Variants in UNC79 observed in about 807,000 individuals in gnomAD.
UNC79 encodes the protein unc-79 subunit of NALCN channel complex.
Under a neutral mutation model 283.1 loss-of-function variants are expected in UNC79, and 37 were observed. That is an observed-to-expected ratio of 0.13 (90% confidence interval 0.10 to 0.17). The LOEUF is 0.17. UNC79 is among the 10% of genes least tolerant of loss of function. The pLI is 1.00. For missense variants in UNC79, 2,272 were observed against 3,211.1 expected, an observed-to-expected ratio of 0.71 and a Z score of 7.07; for synonymous variants, 1,107 against 1,200.2, an observed-to-expected ratio of 0.92 and a Z score of 1.61.
In UNC79 at chr14:93,430,755, G is replaced by T. The variant is rs1595465625; in HGVS notation, c.-275G>T. 2.7e-6 allele frequency: 1 copy of T among 372,258 alleles called. No homozygotes were observed. Among genetic ancestry groups the T allele is most frequent in the Non-Finnish European group, 5.0e-6 (1 of 198,690 alleles). The allele number at this position is 372,258 out of a possible 1,614,324, so 23.1% of individuals were successfully genotyped here. ...TTTCGGTCTCCCCGCCCACATCAAC[G>T]CGGGCAGCTCCAGGAGGGGACGGAC... On this transcript the variant is annotated 5_prime_UTR_variant, in exon 1 of 49. Coordinates refer to ENST00000555664, the Ensembl canonical transcript of UNC79. The surrounding 1 kb of genome is among the most constrained non-coding windows in gnomAD (Gnocchi z 4.6).
chr14:93,520,532 C>T (rs1595732250), intron 7 of UNC79, among the ~76,000 whole-genome samples: 1 of 151,758 alleles, frequency 6.6e-6, no homozygotes. Flanking sequence ...GTACTTGGAG[C>T]AATCATAAAA....
At chr14:93,494,193 G>A (rs966308349) in intron 5 of UNC79, among the ~76,000 whole-genome samples, 1 of 151,910 alleles carries the variant, frequency 6.6e-6, no homozygotes, top group African/African-American at 2.4e-5. Flanking sequence ...TACAGGCATG[G>A]TGCCACACAC....
intron 22 of UNC79, among the ~76,000 whole-genome samples, chr14:93,592,399 C>T (rs2064760705): frequency 6.6e-6 from 1 of 152,042 alleles, no homozygotes; most frequent in Non-Finnish European, 1.5e-5. Flanking sequence ...TGGTCTCGAT[C>T]TCCTGACCTT....
chr14:93,656,887 A>G (rs2071001747), intron 38 of UNC79, among the ~76,000 whole-genome samples: 2 of 152,138 alleles, frequency 1.3e-5, no homozygotes, highest in African/African-American at 2.4e-5. Context: ...TAGACAGAAA[A>G]ACAAAAGGAT....
At chr14:93,666,453 A>G (rs1315740699) in intron 40 of UNC79, among the ~76,000 whole-genome samples, 1 of 152,164 alleles carries the variant, frequency 6.6e-6, no homozygotes, top group Admixed American at 6.5e-5. Flanking sequence ...CCAGACTAAT[A>G]CTAATAAAAA....
intron 1 of UNC79, among the ~76,000 whole-genome samples, chr14:93,372,591 A>G (rs889702444): frequency 1.2e-4 from 19 of 152,352 alleles, no homozygotes; most frequent in African/African-American, 4.3e-4. Context: ...GCATTACGTA[A>G]TGATAAAAGA....
chr14:93,628,288 G>A (rs376520242), intron 30 of UNC79, among the ~76,000 whole-genome samples: 2 of 152,194 alleles, frequency 1.3e-5, no homozygotes, highest in South Asian at 2.1e-4. Flanking sequence ...CCCCTTGTCA[G>A]GTCTTGAACA....
chr14:93,604,857 G>T, intron 26 of UNC79, 39 bp from the exon 27 acceptor site: 1 of 1,536,794 alleles, frequency 6.5e-7, no homozygotes, highest in Non-Finnish European at 8.7e-7. Flanking sequence ...CCAGTTGTCT[G>T]TAATGCTTAT....
chr14:93,508,887 C>T (rs975890511), intron 7 of UNC79, among the ~76,000 whole-genome samples: 2 of 152,170 alleles, frequency 1.3e-5, no homozygotes, highest in African/African-American at 4.8e-5. Context: ...CCAGTACTTT[C>T]ACAACAGAGT....
intron 3 of UNC79, among the ~76,000 whole-genome samples, chr14:93,476,729 T>C (rs2140347080): frequency 6.6e-6 from 1 of 152,346 alleles, no homozygotes; most frequent in South Asian, 2.1e-4. Context: ...AGTCCAGGAA[T>C]ATACAAATGT....
At chr14:93,350,619 CAG>C (rs1371662537) in intron 1 of UNC79, among the ~76,000 whole-genome samples, 27 of 152,118 alleles carry the variant, frequency 1.8e-4, no homozygotes, top group African/African-American at 5.6e-4. Flanking sequence ...TACATTAAAA[CAG>C]GGGTTACTTA....
chr14:93,445,644 T>C (rs1467001459), intron 1 of UNC79, among the ~76,000 whole-genome samples: 2 of 152,226 alleles, frequency 1.3e-5, no homozygotes, highest in African/African-American at 4.8e-5. Flanking sequence ...GGGAAGTGTT[T>C]CCTTTTCTAT....
chr14:93,592,907 G>C (rs1257836760), intron 22 of UNC79, among the ~76,000 whole-genome samples: 2 of 151,980 alleles, frequency 1.3e-5, no homozygotes, highest in Non-Finnish European at 2.9e-5. Flanking sequence ...CCATCTCATA[G>C]CCCAACTGTG....
intron 11 of UNC79, among the ~76,000 whole-genome samples, chr14:93,536,110 C>T (rs1042444789): frequency 6.6e-6 from 1 of 151,618 alleles, no homozygotes; most frequent in African/African-American, 2.4e-5. Flanking sequence ...TTATCTGCAT[C>T]CTGCACAGCT....
intron 42 of UNC79, among the ~76,000 whole-genome samples, chr14:93,685,787 C>T (rs900467067): frequency 4.6e-5 from 7 of 152,200 alleles, no homozygotes; most frequent in African/African-American, 1.7e-4. Flanking sequence ...TAGCAGCCTG[C>T]TTGTTCATTT....
At chr14:93,429,068 T>C (rs906688574), upstream of UNC79, among the ~76,000 whole-genome samples, 3 of 152,250 alleles carry the variant, frequency 2.0e-5, no homozygotes, top group African/African-American at 7.2e-5. Flanking sequence ...TCATGTGTGT[T>C]AATTTCCAAT....
At chr14:93,599,957 T>C (rs2065371051) in intron 24 of UNC79, among the ~76,000 whole-genome samples, 1 of 151,866 alleles carries the variant, frequency 6.6e-6, no homozygotes, top group Admixed American at 6.6e-5. Flanking sequence ...ATCCCAGCAC[T>C]TTGGGAGGCC....
intron 5 of UNC79, among the ~76,000 whole-genome samples, chr14:93,493,593 C>T (rs1240187141): frequency 6.6e-6 from 1 of 152,090 alleles, no homozygotes; most frequent in Non-Finnish European, 1.5e-5. Flanking sequence ...ATTGATAGGA[C>T]TTGGTAACAT....
At chr14:93,538,713 G>A (rs529662692) in intron 12 of UNC79, among the ~76,000 whole-genome samples, 1 of 150,542 alleles carries the variant, frequency 6.6e-6, no homozygotes, top group Admixed American at 6.7e-5. Context: ...GTAATTCCAT[G>A]CTGGGATAAA....
Sources: allele counts gnomAD v4.1 joint callset (sites outside exome capture counted in the v4.1 genomes callset), GRCh38; gene constraint gnomAD v4.1.1; non-coding constraint Gnocchi (gnomAD v3.1); transcripts MANE v1.5; gene names NCBI Gene and HGNC (gene_info 2026-07-23, HGNC 2026-07-21).